The following BAZ1A variants were observed in gnomAD, a reference collection of about 807,000 sequenced individuals.
The protein encoded by BAZ1A is bromodomain adjacent to zinc finger domain 1A.
A neutral mutation model predicts 185.2 loss-of-function variants in BAZ1A; 50 were observed. The observed-to-expected ratio is 0.27, with a 90% confidence interval of 0.22 to 0.34. The LOEUF (loss-of-function observed/expected upper bound fraction) is 0.34. Among genes scored for constraint, BAZ1A ranks in the 10% least tolerant of loss-of-function variants. BAZ1A has a pLI of 1.00. For synonymous variants in BAZ1A, 571 were observed against 615.6 expected (o/e 0.93, Z 1.07); for missense variants, 1,356 against 1,839.9 (o/e 0.74, Z 4.81).
intron 17 of BAZ1A, among the ~76,000 whole-genome samples, chr14:34,778,926 C>T (rs201636959): frequency 1.3e-5 from 2 of 152,136 alleles, no homozygotes; most frequent in East Asian, 1.9e-4. Flanking sequence ...GCAATCAGGG[C>T]GCACTGCAGC....
At chr14:34,868,211 C>T (rs1489703088) in intron 2 of BAZ1A, among the ~76,000 whole-genome samples, 1 of 152,176 alleles carries the variant, frequency 6.6e-6, no homozygotes, top group Non-Finnish European at 1.5e-5. Context: ...ACTGCTTTCT[C>T]ACTACATTTG....
At chr14:34,823,769 GTTTT>G (rs996616343) in intron 4 of BAZ1A, among the ~76,000 whole-genome samples, 6 of 152,026 alleles carry the variant, frequency 3.9e-5, no homozygotes, top group Non-Finnish European at 8.8e-5. Flanking sequence ...ACTGGGCTTA[GTTTT>G]TTTATCTTGA....
At chr14:34,784,842 G>A (rs1314539921) in intron 14 of BAZ1A, among the ~76,000 whole-genome samples, 3 of 149,660 alleles carry the variant, frequency 2.0e-5, no homozygotes, top group Non-Finnish European at 4.4e-5. Flanking sequence ...AACGCTTCAC[G>A]AATTTGCATG....
intron 5 of BAZ1A, among the ~76,000 whole-genome samples, chr14:34,809,756 A>T (rs1348253424): frequency 6.6e-6 from 1 of 152,148 alleles, no homozygotes; most frequent in Non-Finnish European, 1.5e-5. Flanking sequence ...TCAAAAAGTA[A>T]ATAGAAAAAT....
rs1594820783 is a variant in BAZ1A at position 34,771,772 on chromosome 14, C to G, written c.3153-113G>C. The stretch of plus-strand genomic sequence containing the variant: ...ATACCTTTGTAAAAAATCATTTCCT[C>G]AATCTCAAGGAGTTGCAGTAAACTA... On this transcript the variant is annotated intron_variant, in intron 20 of 26. Coordinates refer to ENST00000360310, the MANE Select transcript of BAZ1A (RefSeq NM_013448.3). 4.1e-6 allele frequency: 4 copies of G among 970,206 alleles called. No individual in the cohort carries two copies. The South Asian group carries it at 7.4e-5, about 18-fold the overall frequency. The allele number at this position is 970,206 out of a possible 1,614,324, so 60.1% of individuals were successfully genotyped here.
intron 3 of BAZ1A, among the ~76,000 whole-genome samples, chr14:34,860,667 G>A (rs745443712): frequency 8.6e-5 from 13 of 151,954 alleles, no homozygotes; most frequent in Non-Finnish European, 1.8e-4. Context: ...AGCACTTTGA[G>A]AGGCCAAGGT....
chr14:34,756,466 A>ATTTTT (rs1158606061), intron 25 of BAZ1A, among the ~76,000 whole-genome samples: 7 of 79,014 alleles, frequency 8.9e-5, no homozygotes, highest in African/African-American at 2.2e-4. Flanking sequence ...CAGAATACCT[A>ATTTTT]TTTTTTTTTT....
intron 3 of BAZ1A, among the ~76,000 whole-genome samples, chr14:34,830,662 T>C (rs538268093): frequency 7.4e-4 from 113 of 151,964 alleles, no homozygotes; most frequent in African/African-American, 2.7e-3. Flanking sequence ...ATGTGAAATA[T>C]ATCTCAATAA....
At chr14:34,784,704 G>T (rs1463229438) in intron 14 of BAZ1A, among the ~76,000 whole-genome samples, 1 of 151,748 alleles carries the variant, frequency 6.6e-6, no homozygotes, top group Non-Finnish European at 1.5e-5. Flanking sequence ...ATTTTCAGTA[G>T]AGACGGGGTT....
intron 4 of BAZ1A, among the ~76,000 whole-genome samples, chr14:34,820,121 CGT>C (rs1566579286): frequency 2.1e-5 from 2 of 93,980 alleles, no homozygotes; most frequent in Non-Finnish European, 4.6e-5. Flanking sequence ...TTGGGTTCCT[CGT>C]TTTTTTTTTT....
chr14:34,804,120 GC>G (rs1881724668), intron 6 of BAZ1A, among the ~76,000 whole-genome samples: 1 of 152,134 alleles, frequency 6.6e-6, no homozygotes, highest in African/African-American at 2.4e-5. Flanking sequence ...TGATTCTCCT[GC>G]CTCAGTCTCC....
At chr14:34,785,704 C>A in intron 14 of BAZ1A, 73 bp downstream of exon 14, 1 of 1,295,880 alleles carries the variant, frequency 7.7e-7, no homozygotes, top group Non-Finnish European at 1.1e-6. Context: ...AATTTCTCAT[C>A]AGCTCCTTAG....
At chr14:34,819,340 C>T (rs2042052800) in intron 4 of BAZ1A, among the ~76,000 whole-genome samples, 1 of 152,016 alleles carries the variant, frequency 6.6e-6, no homozygotes, top group African/African-American at 2.4e-5. Context: ...CCCCAGAAAT[C>T]CTCTGTGCTC....
chr14:34,775,949 G>C lies in BAZ1A; in HGVS notation c.2803C>G (p.Arg935Gly), dbSNP rs116760279. The C allele has an allele frequency of 5.8e-6, 9 of 1,559,936 alleles. No individual in the cohort carries two copies. Among genetic ancestry groups the C allele is most frequent in the Non-Finnish European group, 7.8e-6 (9 of 1,152,490 alleles). ...AAATGAAATTTCTCTTCAGAAAAACGGGCTAGCTGTGCACATATTCTGCTT... is the reference window on the plus strand; with the variant it reads ...AAATGAAATTTCTCTTCAGAAAAACCGGCTAGCTGTGCACATATTCTGCTT... ...EKSRICAQLA[R>G]FSEEKFHFSD... The change falls in exon 18 of 27, where the codon CGT (arginine) becomes GGT (glycine). Residue 935 changes from arginine (R) to glycine (G), a missense_variant. Around this residue, in one of 7 missense-constraint regions of BAZ1A, gnomAD observed 434 missense variants for 561.7 expected, o/e 0.77. Coordinates refer to ENST00000360310, the MANE Select transcript of BAZ1A (RefSeq NM_013448.3).
At chr14:34,810,458 GT>G (rs1410806885) in intron 5 of BAZ1A, among the ~76,000 whole-genome samples, 3 of 152,130 alleles carry the variant, frequency 2.0e-5, no homozygotes, top group Admixed American at 6.6e-5. Flanking sequence ...CTGATCAAAT[GT>G]TTGTCTAATG....
chr14:34,768,853 T>G (rs1029561390), intron 21 of BAZ1A: 14 of 284,016 alleles, frequency 4.9e-5, no homozygotes, highest in African/African-American at 2.7e-4. Flanking sequence ...AAGTATGACT[T>G]TAAAAATAAC....
intron 6 of BAZ1A, among the ~76,000 whole-genome samples, chr14:34,805,086 G>T (rs866064886): frequency 6.6e-6 from 1 of 152,086 alleles, no homozygotes; most frequent in Non-Finnish European, 1.5e-5. Context: ...CCCACTTCAC[G>T]CTGTCTCCTG....
chr14:34,840,795 AC>A (rs2042401684), intron 3 of BAZ1A, among the ~76,000 whole-genome samples: 5 of 145,664 alleles, frequency 3.4e-5, no homozygotes, highest in African/African-American at 1.0e-4. Flanking sequence ...AAACAAACAA[AC>A]AAAAAACTTA....
chr14:34,781,373 T>C (rs76888195), intron 16 of BAZ1A, among the ~76,000 whole-genome samples: 1,618 of 152,290 alleles, frequency 0.011, 29 homozygotes, highest in African/African-American at 0.037. Flanking sequence ...ACCTTCATCA[T>C]ACCAAAAGGA....
Sources: allele counts gnomAD v4.1 joint callset (sites outside exome capture counted in the v4.1 genomes callset), GRCh38; gene constraint gnomAD v4.1.1; regional missense constraint gnomAD v4.1.1; transcripts MANE v1.5; gene names NCBI Gene and HGNC (gene_info 2026-07-23, HGNC 2026-07-21).